Variants in ZNF385D observed in about 807,000 individuals in gnomAD.
The protein encoded by ZNF385D is zinc finger protein 659.
A neutral mutation model predicts 35.8 loss-of-function variants in ZNF385D; 15 were observed. The ratio of observed to expected loss-of-function variants is 0.42; its 90% CI spans 0.28 to 0.64. The LOEUF is 0.64. Among genes scored for constraint, ZNF385D ranks in the 30% least tolerant of loss-of-function variants. The pLI is 0.23. For missense variants in ZNF385D, 474 were observed against 494.6 expected, an observed-to-expected ratio of 0.96 and a Z score of 0.39; for synonymous variants, 212 against 186.8, an observed-to-expected ratio of 1.13 and a Z score of -1.10.
intron 2 of ZNF385D, among the ~76,000 whole-genome samples, chr3:21,663,014 T>C (rs2066284676): frequency 6.6e-6 from 1 of 152,176 alleles, no homozygotes; most frequent in South Asian, 2.1e-4. Context: ...CATGGGAGTT[T>C]TGTGACCCTT....
At chr3:21,813,083 G>T (rs915393289) in intron 3 of ZNF385D, among the ~76,000 whole-genome samples, 2 of 152,116 alleles carry the variant, frequency 1.3e-5, no homozygotes, top group Non-Finnish European at 2.9e-5. Flanking sequence ...AGGCAAACAG[G>T]GTCTGGAGTG....
chr3:22,168,716 G>A (rs538768435), intron 3 of ZNF385D: 8 of 728,672 alleles, frequency 1.1e-5, no homozygotes, highest in Non-Finnish European at 1.3e-5. Flanking sequence ...ATTTTTCCTG[G>A]TTTAAAAAAA....
At position 22,287,217 on chromosome 3, in the gene ZNF385D, T is replaced by C. The variant is rs115286322; in HGVS notation, c.106+85233A>G. ...TACCTCTGCTCTCTTTTCCATTGCA[T>C]AGGATATATTTTTTCACCCATTAAC... On this transcript the variant is annotated intron_variant, in intron 2 of 5. Transcript: ENST00000494108. Among the ~76,000 whole-genome samples the C allele has an allele frequency of 7.3e-3, 1,107 of 152,134 alleles. 14 individuals carry two copies. Among genetic ancestry groups the C allele is most frequent in the African/African-American group, 0.025 (1,036 of 41,548 alleles).
chr3:21,899,038 G>C (rs114920698), intron 3 of ZNF385D, among the ~76,000 whole-genome samples: 157 of 152,200 alleles, frequency 1.0e-3, no homozygotes, highest in African/African-American at 3.8e-3. Context: ...TATTCCCTCA[G>C]ACAATAGTTC....
chr3:22,116,196 C>A (rs1208773188), intron 3 of ZNF385D, among the ~76,000 whole-genome samples: 1 of 151,906 alleles, frequency 6.6e-6, no homozygotes, highest in African/African-American at 2.4e-5. Flanking sequence ...GAAAAAAGCT[C>A]TCAAGTTATA....
intron 3 of ZNF385D, among the ~76,000 whole-genome samples, chr3:21,987,330 T>G (rs879838413): frequency 7.7e-6 from 1 of 129,162 alleles, no homozygotes; most frequent in Non-Finnish European, 1.6e-5. Context: ...CCATGTTTAG[T>G]GCTTCCTTCA....
chr3:22,071,428 G>T (rs1490200552), intron 3 of ZNF385D, among the ~76,000 whole-genome samples: 1 of 152,112 alleles, frequency 6.6e-6, no homozygotes, highest in South Asian at 2.1e-4. Context: ...CATACTAGAG[G>T]TCACTAGGTG....
At chr3:21,757,767 T>A (rs1440689500) in intron 3 of ZNF385D, among the ~76,000 whole-genome samples, 1 of 152,208 alleles carries the variant, frequency 6.6e-6, no homozygotes, top group Non-Finnish European at 1.5e-5. Flanking sequence ...ACCTAAAGCA[T>A]CTTTCAACTC....
intron 3 of ZNF385D, among the ~76,000 whole-genome samples, chr3:21,966,570 C>T (rs540467961): frequency 1.3e-5 from 2 of 152,114 alleles, no homozygotes; most frequent in African/African-American, 2.4e-5. Flanking sequence ...TGTCAACTAG[C>T]AGGTTTACTT....
At chr3:21,491,442 G>GA (rs1048176821) in intron 4 of ZNF385D, among the ~76,000 whole-genome samples, 4 of 151,688 alleles carry the variant, frequency 2.6e-5, no homozygotes, top group African/African-American at 4.8e-5. Context: ...CCCCATCTAA[G>GA]AAAAAAACCC....
chr3:21,445,242 A>G (rs1702086046), intron 4 of ZNF385D, among the ~76,000 whole-genome samples: 1 of 152,202 alleles, frequency 6.6e-6, no homozygotes, highest in Admixed American at 6.5e-5. Context: ...TACAACCTAA[A>G]AAGAAAGAAG....
At chr3:21,441,649 G>A (rs1310787026) in intron 4 of ZNF385D, 1 of 975,744 alleles carries the variant, frequency 1.0e-6, no homozygotes, top group African/African-American at 1.8e-5. Context: ...CATTTAGAAG[G>A]AGGAAAGAAA....
chr3:21,765,674 G>T (rs1198739808), intron 3 of ZNF385D, among the ~76,000 whole-genome samples: 1 of 151,688 alleles, frequency 6.6e-6, no homozygotes, highest in Non-Finnish European at 1.5e-5. Flanking sequence ...AAGAAATAGA[G>T]ATACATATAA....
intron 2 of ZNF385D, among the ~76,000 whole-genome samples, chr3:22,230,855 G>T (rs1698846712): frequency 6.6e-6 from 1 of 152,116 alleles, no homozygotes; most frequent in Non-Finnish European, 1.5e-5. Context: ...AGAAGCAGAG[G>T]AAAAAGTGTG....
rs1279099691 is a variant in ZNF385D at position 21,414,086 on chromosome 3, TTAAA to T, written c.*7124_*7127del. 1 of 152,102 alleles carries T rather than the reference TTAAA, an allele frequency of 6.6e-6. No individual in the cohort carries two copies. Among genetic ancestry groups the T allele is most frequent in the Non-Finnish European group, 1.5e-5 (1 of 67,988 alleles). 9.4% of individuals were successfully genotyped at this position (152,102 alleles called of 1,614,324 possible). A position where few individuals can be genotyped will look rare whatever the true frequency, so the allele number is the denominator to read the frequency against. On this transcript the variant is annotated 3_prime_UTR_variant, in exon 8 of 8. Coordinates refer to ENST00000281523, the MANE Select transcript of ZNF385D (RefSeq NM_024697.3). ...AAATTTGTTGTAAAATTTCAGTGAA[TTAAA>T]TATTATTAGAAGAAATTATTGACTA...
At chr3:21,549,014 G>A (rs1478017943) in intron 3 of ZNF385D, among the ~76,000 whole-genome samples, 1 of 152,154 alleles carries the variant, frequency 6.6e-6, no homozygotes, top group Non-Finnish European at 1.5e-5. Context: ...CTATAGAAAT[G>A]TAAATATCCC....
At chr3:21,602,517 CTTTTTTTTTTT>C (rs746138066) in intron 2 of ZNF385D, among the ~76,000 whole-genome samples, 52 of 62,720 alleles carry the variant, frequency 8.3e-4, no homozygotes, top group African/African-American at 1.3e-3. Flanking sequence ...CCTGCATTTT[CTTTTTTTTTTT>C]TTTTTTTTTT....
chr3:21,412,997 CAA>C lies in ZNF385D; in HGVS notation c.*8215_*8216del, dbSNP rs964674088. The stretch of plus-strand genomic sequence containing the variant: ...CTTAAAACAGAAGACTGGCATAAAA[CAA>C]ACTATGTGAATTGCCTTAATTATTA... On this transcript the variant is annotated 3_prime_UTR_variant, in exon 8 of 8. Transcript: ENST00000281523. The C allele has an allele frequency of 1.3e-5, 2 of 149,506 alleles. No homozygotes were observed. Among genetic ancestry groups the C allele is most frequent in the Admixed American group, 6.7e-5 (1 of 15,014 alleles). 9.3% of individuals were successfully genotyped at this position (149,506 alleles called of 1,614,324 possible). A position where few individuals can be genotyped will look rare whatever the true frequency, so the allele number is the denominator to read the frequency against.
At chr3:21,436,193 A>G (rs1298278950) in intron 5 of ZNF385D, among the ~76,000 whole-genome samples, 2 of 152,018 alleles carry the variant, frequency 1.3e-5, no homozygotes, top group South Asian at 2.1e-4. Context: ...GGGTATATAT[A>G]TATACACATA....
Sources: allele counts gnomAD v4.1 joint callset (sites outside exome capture counted in the v4.1 genomes callset), GRCh38; gene constraint gnomAD v4.1.1; transcripts MANE v1.5; gene names NCBI Gene and HGNC (gene_info 2026-07-23, HGNC 2026-07-21).